Variants in KANK1 observed in about 807,000 individuals in gnomAD.
KANK1 encodes the protein KN motif and ankyrin repeat domains 1.
In KANK1, 109 loss-of-function variants were observed where a neutral mutation model predicts 106.2. The ratio of observed to expected loss-of-function variants is 1.03; its 90% CI spans 0.88 to 1.20. The LOEUF (loss-of-function observed/expected upper bound fraction) is 1.20. Ranked by LOEUF, KANK1 falls within the 50% of genes most tolerant of loss-of-function variation. The pLI, the probability that KANK1 is intolerant of heterozygous loss-of-function variation, is 0.00. For synonymous variants in KANK1, 873 were observed against 652.2 expected (o/e 1.34, Z -5.16); for missense variants, 2,399 against 1,710.7 (o/e 1.40, Z -7.10).
intron 2 of KANK1, chr9:687,009 A>C: frequency 6.1e-6 from 5 of 818,184 alleles, no homozygotes; most frequent in Non-Finnish European, 5.9e-6. Context: ...GAGACTTTGC[A>C]GATACTGCTG....
At chr9:662,690 CTT>C (rs1253533181) in intron 1 of KANK1, among the ~76,000 whole-genome samples, 1 of 127,182 alleles carries the variant, frequency 7.9e-6, no homozygotes, top group African/African-American at 3.2e-5. Flanking sequence ...GAGACAGGGT[CTT>C]GCTCTGTCAC....
At position 712,551 on chromosome 9, in the gene KANK1, G is replaced by C. The variant is rs994586893; in HGVS notation, c.1785G>C (p.Val595=). ...SVEMCDKSVS[V]EVSVCETGSN... is the part of the protein sequence containing the mutation. ...AAATGTGTGACAAGAGTGTGAGTGT[G>C]GAAGTCAGCGTCTGCGAAACAGGCA... is the stretch of plus-strand genomic sequence containing the variant. Residue 595 remains valine, a synonymous_variant, in exon 3 of 12, where the codon GTG becomes GTC. Transcript: ENST00000382297. The C allele has an allele frequency of 1.9e-6, 3 of 1,614,044 alleles. No individual in the cohort carries two copies. The African/African-American group carries it at 4.0e-5, about 22-fold the overall frequency.
intron 2 of KANK1, among the ~76,000 whole-genome samples, chr9:700,147 C>A (rs1481426543): frequency 6.6e-6 from 1 of 152,146 alleles, no homozygotes; most frequent in Non-Finnish European, 1.5e-5. Flanking sequence ...CCTGAATGAA[C>A]GGGTTTTATC....
chr9:504,485 G>A (rs1369323236), upstream of KANK1, among the ~76,000 whole-genome samples: 2 of 151,564 alleles, frequency 1.3e-5, no homozygotes, highest in African/African-American at 2.4e-5. Context: ...GGCGTCCTCT[G>A]GGCGGAGGGA....
intron 1 of KANK1, among the ~76,000 whole-genome samples, chr9:613,663 C>G (rs1588257726): frequency 1.3e-5 from 2 of 152,256 alleles, no homozygotes; most frequent in East Asian, 1.9e-4. Flanking sequence ...AGCAAACTCT[C>G]TATTACTAAC....
At position 723,938 on chromosome 9, in the gene KANK1, G is replaced by GAAA. The variant is rs34095663; in HGVS notation, c.2699-6100_2699-6098dup. On this transcript the variant is annotated intron_variant, in intron 3 of 11. Transcript: ENST00000382297. ...TGAAACCCATCTCTATTAAAAATAC[G>GAAA]AAAAAAAAAAAAAAAGAAGCCAGGC... Among the ~76,000 whole-genome samples the GAAA allele has an allele frequency of 2.0e-3, 271 of 135,216 alleles. 4 individuals carry two copies. Among genetic ancestry groups the GAAA allele is most frequent in the African/African-American group, 6.7e-3 (241 of 36,196 alleles). The allele number at this position is 135,216 out of a possible 152,430, so 88.7% of individuals were successfully genotyped here.
intron 1 of KANK1, among the ~76,000 whole-genome samples, chr9:517,602 T>A (rs1222375660): frequency 6.6e-6 from 1 of 151,606 alleles, no homozygotes; most frequent in Non-Finnish European, 1.5e-5. Context: ...TTTCACACTT[T>A]CTAGAGAAGG....
upstream of KANK1, among the ~76,000 whole-genome samples, chr9:504,484 T>G (rs979722910): frequency 3.3e-5 from 5 of 151,456 alleles, no homozygotes; most frequent in South Asian, 4.2e-4. Flanking sequence ...GGGCGTCCTC[T>G]GGGCGGAGGG....
At chr9:744,761 G>A in intron 11 of KANK1, 172 bp downstream of exon 11, 1 of 1,502,318 alleles carries the variant, frequency 6.7e-7, no homozygotes, top group South Asian at 1.3e-5. Context: ...AAAAGCAGGA[G>A]AACTAATGTT....
intron 3 of KANK1, among the ~76,000 whole-genome samples, chr9:489,721 A>T (rs2058347306): frequency 6.6e-6 from 1 of 152,212 alleles, no homozygotes; most frequent in African/African-American, 2.4e-5. Flanking sequence ...GCATTTAATA[A>T]AGCTTAGCTA....
intron 3 of KANK1, among the ~76,000 whole-genome samples, chr9:717,145 C>T (rs1460581872): frequency 4.0e-5 from 6 of 151,788 alleles, no homozygotes; most frequent in East Asian, 3.9e-4. Context: ...ATTTGCCAGG[C>T]GTGATGGCAG....
At chr9:541,809 G>C (rs1266802274) in intron 1 of KANK1, among the ~76,000 whole-genome samples, 2 of 152,204 alleles carry the variant, frequency 1.3e-5, no homozygotes, top group Non-Finnish European at 2.9e-5. Context: ...AAATGAACAG[G>C]CCGGGCGCGG....
intron 1 of KANK1, among the ~76,000 whole-genome samples, chr9:519,093 T>C (rs780387127): frequency 1.6e-4 from 24 of 151,762 alleles, no homozygotes; most frequent in Non-Finnish European, 2.8e-4. Flanking sequence ...TTTCTCCATG[T>C]TGGTCAGGCT....
chr9:672,532 G>GCCATCAACATTA (rs1815405973), intron 1 of KANK1, among the ~76,000 whole-genome samples: 2 of 140,124 alleles, frequency 1.4e-5, no homozygotes, highest in South Asian at 2.4e-4. Flanking sequence ...AACATTAGCT[G>GCCATCAACATTA]CCATCAACAT....
intron 1 of KANK1, among the ~76,000 whole-genome samples, chr9:580,217 T>C (rs1821700370): frequency 6.6e-6 from 1 of 152,008 alleles, no homozygotes; most frequent in African/African-American, 2.4e-5. Context: ...TCCTCCGGTC[T>C]GGAGTTGTTC....
In KANK1 at chr9:648,766, A is replaced by T. The variant is rs946787975; in HGVS notation, c.-83-28124A>T. ...GCTGTTTTGAAGCTTATCTAAGACAATGCATGTGAAAACACTGTAAAATTA... is the reference window on the plus strand; with the variant it reads ...GCTGTTTTGAAGCTTATCTAAGACATTGCATGTGAAAACACTGTAAAATTA... On this transcript the variant is annotated intron_variant, in intron 1 of 11. Transcript: ENST00000382297. 3.9e-4 allele frequency among the ~76,000 whole-genome samples: 60 copies of T among 152,176 alleles called. 1 individual carries two copies. The highest frequency in any genetic ancestry group is 1.4e-3 in the African/African-American group (57 of 41,424).
rs35949327 is a variant in KANK1 at position 608,034 on chromosome 9, A to ATTT, written c.-83-68844_-83-68842dup. Among the ~76,000 whole-genome samples, 345 of 115,302 alleles carry ATTT rather than the reference A, an allele frequency of 3.0e-3. 7 individuals carry two copies. The highest frequency in any genetic ancestry group is 0.014 in the Middle Eastern group (3 of 210). 75.6% of individuals were successfully genotyped at this position (115,302 alleles called of 152,430 possible). On this transcript the variant is annotated intron_variant, in intron 1 of 11. Coordinates refer to ENST00000382297, the MANE Select transcript of KANK1 (RefSeq NM_015158.5). Reference sequence around the variant, plus strand: ...CAGAATTATTATTATTATTATTATTATTTTTTTTTTTTTTGAGACGGAGTC... The same window carrying ATTT: ...CAGAATTATTATTATTATTATTATTATTTTTTTTTTTTTTTTTGAGACGGAGTC...
At chr9:705,521 C>G (rs1823856153) in intron 2 of KANK1, among the ~76,000 whole-genome samples, 1 of 151,644 alleles carries the variant, frequency 6.6e-6, no homozygotes, top group Admixed American at 6.6e-5. Context: ...TGTCAGACAT[C>G]TCCTTTCTTC....
intron 1 of KANK1, among the ~76,000 whole-genome samples, chr9:595,276 G>C (rs536343111): frequency 6.6e-6 from 1 of 151,772 alleles, no homozygotes; most frequent in Non-Finnish European, 1.5e-5. Context: ...ATTGGTACCT[G>C]TTGAGAGAAG....
Sources: gnomAD v4.1 joint callset for allele counts (sites outside exome capture counted in the v4.1 genomes callset) on GRCh38, gnomAD v4.1.1 for gene constraint, MANE v1.5 for transcripts, NCBI Gene and HGNC (gene_info 2026-07-23, HGNC 2026-07-21) for gene names.